The following PIR variants were observed in gnomAD, a reference collection of about 807,000 sequenced individuals.
PIR encodes pirin (iron-binding nuclear protein).
A neutral mutation model predicts 24.2 loss-of-function variants in PIR; 22 were observed. That is an observed-to-expected ratio of 0.91 (90% CI 0.65 to 1.30). The LOEUF (loss-of-function observed/expected upper bound fraction) is 1.30. PIR is among the 50% of genes most tolerant of loss of function. The pLI, the probability that PIR is intolerant of heterozygous loss-of-function variation, is 0.00. For synonymous variants in PIR, 80 were observed against 79.6 expected (o/e 1.00, Z -0.03); for missense variants, 220 against 220.3 (o/e 1.00, Z 0.01).
intron 8 of PIR, among the ~76,000 whole-genome samples, chrX:15,392,230 C>T (rs887725404): frequency 9.0e-6 from 1 of 111,431 alleles, no homozygotes; most frequent in Non-Finnish European, 1.9e-5. Context: ...TAAATTTTAG[C>T]GTGGTTACTC....
chrX:15,469,242 A>C (rs1452386027), intron 3 of PIR, among the ~76,000 whole-genome samples: 1 of 112,377 alleles, frequency 8.9e-6, no homozygotes, highest in East Asian at 2.8e-4. Flanking sequence ...GAAGAATAGC[A>C]ATATCTGAAT....
chrX:15,394,908 T>C (rs183830264), intron 8 of PIR, among the ~76,000 whole-genome samples: 1 of 111,939 alleles, frequency 8.9e-6, no homozygotes, highest in Admixed American at 9.4e-5. Context: ...TTGGCCACTA[T>C]AGGAGATACT....
chrX:15,403,993 C>CTTTTTTTTTTTTTTTTTTTT (rs151011282), intron 7 of PIR, among the ~76,000 whole-genome samples: 1 of 89,910 alleles, frequency 1.1e-5, no homozygotes, highest in Non-Finnish European at 2.2e-5. Flanking sequence ...CCAGCATTTT[C>CTTTTTTTTTTTTTTTTTTTT]TTTTTTTTTT....
At position 15,439,984 on chromosome X, in the gene PIR, T is replaced by TTC. The variant is rs375353069; in HGVS notation, c.481-13996_481-13995dup. ...TTAAAAGCTGGTGTTAGACACAAAT[T>TTC]TCTCTCTCTCTCTCTCTCTGTCTCT... On this transcript the variant is annotated intron_variant, in intron 5 of 9. Coordinates refer to ENST00000380420, the MANE Select transcript of PIR (RefSeq NM_001018109.3). Among the ~76,000 whole-genome samples the TTC allele has an allele frequency of 2.7e-3, 287 of 108,214 alleles. 1 individual carries two copies. The highest frequency in any genetic ancestry group is 8.7e-3 in the African/African-American group (260 of 29,862). The allele number at this position is 108,214 out of a possible 115,157, so 94.0% of individuals were successfully genotyped here.
At chrX:15,467,420 C>G (rs1313475226) in intron 3 of PIR, among the ~76,000 whole-genome samples, 1 of 112,486 alleles carries the variant, frequency 8.9e-6, no homozygotes, top group Non-Finnish European at 1.9e-5. Context: ...CAATAGGAGC[C>G]AGAACTGCAG....
At chrX:15,452,069 C>G (rs1431893336) in intron 5 of PIR, among the ~76,000 whole-genome samples, 1 of 111,770 alleles carries the variant, frequency 8.9e-6, no homozygotes, top group African/African-American at 3.3e-5. Flanking sequence ...GGCCTTGAAC[C>G]AAGGCCATCT....
chrX:15,477,752 G>A (rs756555907), intron 3 of PIR, among the ~76,000 whole-genome samples: 1 of 111,746 alleles, frequency 8.9e-6, no homozygotes, highest in South Asian at 3.8e-4. Context: ...AAAGAGCATC[G>A]CTTCATTCAA....
intron 5 of PIR, among the ~76,000 whole-genome samples, chrX:15,438,331 A>G (rs1925811453): frequency 8.9e-6 from 1 of 112,234 alleles, no homozygotes; most frequent in Non-Finnish European, 1.9e-5. Flanking sequence ...TTCAACATGT[A>G]TCTCTCCTCT....
intron 6 of PIR, among the ~76,000 whole-genome samples, chrX:15,410,256 A>G (rs1924697939): frequency 9.7e-6 from 1 of 103,360 alleles, no homozygotes; most frequent in South Asian, 3.9e-4. Flanking sequence ...GTCTCGGAAA[A>G]AAACAAAACA....
At chrX:15,450,001 T>C (rs925284952) in intron 5 of PIR, among the ~76,000 whole-genome samples, 5 of 112,263 alleles carry the variant, frequency 4.5e-5, no homozygotes, top group African/African-American at 1.3e-4. Context: ...TTTCTATTTG[T>C]TTTTGATTTT....
At chrX:15,401,577 T>C (rs1190966341) in intron 7 of PIR, among the ~76,000 whole-genome samples, 1 of 112,003 alleles carries the variant, frequency 8.9e-6, no homozygotes, top group Non-Finnish European at 1.9e-5. Flanking sequence ...TATATCTTAT[T>C]GTTTCTGACT....
At chrX:15,399,258 A>G (rs2147006564) in intron 7 of PIR, among the ~76,000 whole-genome samples, 1 of 113,011 alleles carries the variant, frequency 8.8e-6, no homozygotes, top group South Asian at 3.6e-4. Context: ...ATGCTTATTT[A>G]AATGAAAACA....
At chrX:15,438,739 G>A (rs766674490) in intron 5 of PIR, among the ~76,000 whole-genome samples, 3 of 111,256 alleles carry the variant, frequency 2.7e-5, no homozygotes, top group Non-Finnish European at 5.7e-5. Context: ...TTCTGACATC[G>A]TCTTGATTGT....
At chrX:15,453,237 T>C (rs1012343573) in intron 5 of PIR, among the ~76,000 whole-genome samples, 1 of 112,292 alleles carries the variant, frequency 8.9e-6, no homozygotes, top group African/African-American at 3.2e-5. Flanking sequence ...TTAGCTTAGA[T>C]GGCAGACATA....
chrX:15,402,261 G>A (rs1396133953), intron 7 of PIR, among the ~76,000 whole-genome samples: 1 of 111,785 alleles, frequency 8.9e-6, no homozygotes, highest in Non-Finnish European at 1.9e-5. Context: ...GTTAAGGTGG[G>A]TTTACTGACT....
intron 4 of PIR, 82 bp from the exon 5 acceptor site, chrX:15,456,136 T>TA: frequency 1.3e-6 from 1 of 788,561 alleles, no homozygotes. Context: ...ACACCATCAC[T>TA]AAGTGAGACA....
intron 3 of PIR, among the ~76,000 whole-genome samples, chrX:15,471,630 C>T (rs1308331643): frequency 9.0e-6 from 1 of 111,584 alleles, no homozygotes; most frequent in Non-Finnish European, 1.9e-5. Flanking sequence ...TTCACCTTTA[C>T]CTCCACTATC....
intron 5 of PIR, among the ~76,000 whole-genome samples, chrX:15,435,137 G>T (rs376232085): frequency 5.4e-5 from 6 of 110,593 alleles, no homozygotes; most frequent in Admixed American, 3.8e-4. Flanking sequence ...TTTGAACCTG[G>T]GAGGTGGAGA....
At chrX:15,492,217 T>G in intron 1 of PIR, among the ~76,000 whole-genome samples, 1 of 110,234 alleles carries the variant, frequency 9.1e-6, no homozygotes, top group East Asian at 2.9e-4. Flanking sequence ...TCTTCGAGGG[T>G]CATTGAATTC....
Sources: allele counts gnomAD v4.1 joint callset (sites outside exome capture counted in the v4.1 genomes callset), GRCh38; gene constraint gnomAD v4.1.1; transcripts MANE v1.5; gene names NCBI Gene and HGNC (gene_info 2026-07-23, HGNC 2026-07-21).